MERTK: variants seen among roughly 807,000 people sequenced by gnomAD.
The protein encoded by MERTK is MER proto-oncogene, tyrosine kinase, also known as tyrosine-protein kinase Mer.
A neutral mutation model predicts 99.3 loss-of-function variants in MERTK; 69 were observed. That is an observed-to-expected ratio of 0.70 (90% CI 0.57 to 0.85). MERTK has a LOEUF of 0.85. MERTK is among the 40% of genes least tolerant of loss of function. The pLI is 0.00. For synonymous variants in MERTK, 426 were observed against 467.6 expected (o/e 0.91, Z 1.15); for missense variants, 1,125 against 1,249.4 (o/e 0.90, Z 1.50).
At chr2:111,985,813 A>G (rs1311626706) in intron 8 of MERTK, among the ~76,000 whole-genome samples, 1 of 152,112 alleles carries the variant, frequency 6.6e-6, no homozygotes, top group African/African-American at 2.4e-5. Flanking sequence ...ATGGCACTAC[A>G]AGTCAAAATG....
rs765685308 is a variant in MERTK at position 111,947,478 on chromosome 2, C to T, written c.668C>T (p.Pro223Leu). 7.4e-6 allele frequency: 12 copies of T among 1,614,028 alleles called. 1 individual carries two copies. The highest frequency in any genetic ancestry group is 2.2e-5 in the South Asian group (2 of 91,088). The change falls in exon 4 of 19, where the codon CCG (proline) becomes CTG (leucine). Residue 223 changes from proline (P) to leucine (L), a missense_variant. Physicochemically the swap from Pro to Leu is moderately conservative, Grantham distance 98. Coordinates refer to ENST00000295408, the MANE Select transcript of MERTK (RefSeq NM_006343.3). Reference protein sequence around the residue: ...AFNLTCQAVGPPEPVNIFWVQ... With the variant: ...AFNLTCQAVGLPEPVNIFWVQ... ...AACCTCACCTGTCAGGCTGTGGGCC[C>T]GCCTGAGCCCGTCAACATTTTCTGG... is the stretch of plus-strand genomic sequence containing the variant.
intron 1 of MERTK, among the ~76,000 whole-genome samples, chr2:111,916,974 C>T (rs1178316750): frequency 6.6e-6 from 1 of 152,056 alleles, no homozygotes; most frequent in South Asian, 2.1e-4. Context: ...GTTCCGGCTC[C>T]CCACCAGGCT....
In MERTK at chr2:111,902,630, C is replaced by G. The variant is rs138794432; in HGVS notation, c.61+3834C>G. ...AGATCTCGGCATGCTGGCTTCTTCT[C>G]ATCCTTTGGGTTTCAGTTCAGAGGT... On this transcript the variant is annotated intron_variant, in intron 1 of 18. Transcript: ENST00000295408. 3.1e-3 allele frequency among the ~76,000 whole-genome samples: 467 copies of G among 152,208 alleles called. 2 individuals carry two copies. The highest frequency in any genetic ancestry group is 0.011 in the African/African-American group (443 of 41,510).
Position 111,946,566 on chromosome 2 carries a change from T to G in MERTK, c.584-828T>G, listed in dbSNP as rs142799579. Among the ~76,000 whole-genome samples the G allele has an allele frequency of 1.9e-3, 285 of 152,342 alleles. 1 individual carries two copies. The highest frequency in any genetic ancestry group is 6.5e-3 in the African/African-American group (272 of 41,566). Reference sequence around the variant, plus strand: ...AGGATTGTAACTGCAACTGTGTTTATACAGTTTTCATGAGAATTTGCTTTG... The same window carrying G: ...AGGATTGTAACTGCAACTGTGTTTAGACAGTTTTCATGAGAATTTGCTTTG... On this transcript the variant is annotated intron_variant, in intron 3 of 18. Transcript: ENST00000295408.
chr2:111,922,986 A>G (rs748335880), intron 1 of MERTK, among the ~76,000 whole-genome samples: 1 of 152,206 alleles, frequency 6.6e-6, no homozygotes, highest in African/African-American at 2.4e-5. Context: ...TAAATGTCTG[A>G]GCCACTGTAA....
intron 1 of MERTK, among the ~76,000 whole-genome samples, chr2:111,909,494 T>C (rs1376505362): frequency 6.6e-6 from 1 of 151,960 alleles, no homozygotes; most frequent in Non-Finnish European, 1.5e-5. Flanking sequence ...TCCTCAAACC[T>C]CCATGATTTA....
intron 9 of MERTK, chr2:111,994,626 A>T: frequency 1.7e-6 from 1 of 586,832 alleles, no homozygotes; most frequent in Non-Finnish European, 3.1e-6. Context: ...ATGTATTTTT[A>T]AAATTTGCTG....
chr2:111,994,155 T>C, intron 8 of MERTK, 96 bp from the exon 9 acceptor site: 1 of 1,424,138 alleles, frequency 7.0e-7, no homozygotes, highest in Non-Finnish European at 9.9e-7. Flanking sequence ...GCCTCGGACG[T>C]GGGCGGGATG....
In MERTK at chr2:112,003,205, A is replaced by C. The variant is rs376583749; in HGVS notation, c.1786+18A>C. On this transcript the variant is annotated intron_variant, in intron 12 of 18. Coordinates refer to ENST00000295408, the MANE Select transcript of MERTK (RefSeq NM_006343.3). ...GGGTGAAGGTAAGCAATTTAAAGTA[A>C]TTCTTTTAAAATGTGGGATAAGAAG... 2.5e-6 allele frequency: 3 copies of C among 1,191,252 alleles called. No individual in the cohort carries two copies. Among genetic ancestry groups the C allele is most frequent in the South Asian group, 1.2e-5 (1 of 82,598 alleles). 73.8% of individuals were successfully genotyped at this position (1,191,252 alleles called of 1,614,324 possible). A position where few individuals can be genotyped will look rare whatever the true frequency, so the allele number is the denominator to read the frequency against.
intron 1 of MERTK, among the ~76,000 whole-genome samples, chr2:111,927,549 A>G (rs970833365): frequency 3.9e-5 from 6 of 152,170 alleles, no homozygotes; most frequent in Non-Finnish European, 8.8e-5. Flanking sequence ...GCACGAGCCT[A>G]TAGTACAACC....
Position 112,008,435 on chromosome 2 carries a change from C to T in MERTK, c.1920C>T (p.Cys640=). The change falls in exon 14 of 19, where the codon TGC becomes TGT. Residue 640 remains cysteine (C), a synonymous_variant. Transcript: ENST00000295408. ...EIEEFLSEAA[C]MKDFSHPNVI... is the part of the protein sequence containing the mutation. ...AGGAGTTTCTCAGTGAGGCAGCGTG[C>T]ATGAAAGACTTCAGCCACCCAAATG... The T allele has an allele frequency of 6.2e-7, 1 of 1,614,096 alleles. No individual in the cohort carries two copies. Among genetic ancestry groups the T allele is most frequent in the Non-Finnish European group, 8.5e-7 (1 of 1,179,984 alleles).
chr2:111,995,152 G>A (rs1455869578), intron 9 of MERTK: 2 of 156,980 alleles, frequency 1.3e-5, no homozygotes, highest in African/African-American at 2.4e-5. Flanking sequence ...TTGTGCTTTG[G>A]TCTGCACGGA....
chr2:112,008,553 G>C (rs1207492039), intron 14 of MERTK, 78 bp downstream of exon 14: 3 of 1,065,850 alleles, frequency 2.8e-6, no homozygotes, highest in South Asian at 1.2e-5. Context: ...AAAATCTCTG[G>C]TGTAGATAAG....
chr2:111,947,990 G>GCA (rs1684991954), intron 4 of MERTK, among the ~76,000 whole-genome samples: 1 of 152,024 alleles, frequency 6.6e-6, no homozygotes, highest in African/African-American at 2.4e-5. Flanking sequence ...TGAGCCCTTG[G>GCA]GGGATTGTGG....
At chr2:112,017,154 A>T (rs1445996072) in intron 15 of MERTK, among the ~76,000 whole-genome samples, 1 of 152,134 alleles carries the variant, frequency 6.6e-6, no homozygotes, top group Non-Finnish European at 1.5e-5. Context: ...CATTTTACAG[A>T]GTGCTGATTG....
At chr2:111,956,699 A>G (rs1049573964) in intron 4 of MERTK, among the ~76,000 whole-genome samples, 1 of 152,086 alleles carries the variant, frequency 6.6e-6, no homozygotes, top group Admixed American at 6.5e-5. Context: ...CTTCTCTGTC[A>G]CCCAGGCTGA....
chr2:112,022,110 C>T lies in MERTK; in HGVS notation c.2350-148C>T, dbSNP rs181736532. On this transcript the variant is annotated intron_variant, in intron 17 of 18. Coordinates refer to ENST00000295408, the MANE Select transcript of MERTK (RefSeq NM_006343.3). ...TGACACTCCAACCCCACGTTATTGCCGCGTTGGGAGAGCAGTGCGTCTCAC... is the reference window on the plus strand; with the variant it reads ...TGACACTCCAACCCCACGTTATTGCTGCGTTGGGAGAGCAGTGCGTCTCAC... 279 of 1,070,184 alleles carry T rather than the reference C, an allele frequency of 2.6e-4. 1 individual carries two copies. In the East Asian group the frequency reaches 6.2e-3, roughly 24 times the overall value. The allele number at this position is 1,070,184 out of a possible 1,614,324, so 66.3% of individuals were successfully genotyped here. A position where few individuals can be genotyped will look rare whatever the true frequency, so the allele number is the denominator to read the frequency against.
rs548862252 is a variant in MERTK, at chr2:111,898,886, C to A, written c.61+90C>A. The A allele has an allele frequency of 2.9e-5, 39 of 1,349,714 alleles. No individual in the cohort carries two copies. The South Asian group carries it at 4.4e-4, about 15-fold the overall frequency. The allele number at this position is 1,349,714 out of a possible 1,614,324, so 83.6% of individuals were successfully genotyped here. A position where few individuals can be genotyped will look rare whatever the true frequency, so the allele number is the denominator to read the frequency against. ...TGGGGAGGGAGCGCGTCCACAGGGG[C>A]GCGCCTGGCTGCTGGACAAGTTTGC... On this transcript the variant is annotated intron_variant, in intron 1 of 18. Coordinates refer to ENST00000295408, the MANE Select transcript of MERTK (RefSeq NM_006343.3).
intron 18 of MERTK, chr2:112,024,911 C>A (rs1237483608): frequency 1.9e-5 from 3 of 154,304 alleles, no homozygotes; most frequent in African/African-American, 7.2e-5. Flanking sequence ...GCCTGGGAAA[C>A]AGAGCAAGAT....
Sources: allele counts gnomAD v4.1 joint callset (sites outside exome capture counted in the v4.1 genomes callset), GRCh38; gene constraint gnomAD v4.1.1; transcripts MANE v1.5; gene names NCBI Gene and HGNC (gene_info 2026-07-23, HGNC 2026-07-21).